Variants in RGS22 observed in about 807,000 individuals in gnomAD.
RGS22 encodes the protein regulator of G protein signaling 22, also known as regulator of G-protein signaling 22.
In RGS22, 148 loss-of-function variants were observed where a neutral mutation model predicts 172.9. That is an observed-to-expected ratio of 0.86 (90% CI 0.75 to 0.98). RGS22 has a LOEUF of 0.98. Ranked by LOEUF, RGS22 falls within the 50% of genes least tolerant of loss-of-function variation. The probability of loss-of-function intolerance (pLI) is 0.00; values close to 1 mark genes in which losing one functional copy is unlikely to be tolerated. For missense variants in RGS22, 1,347 were observed against 1,440.8 expected (o/e 0.93, Z 1.05); for synonymous variants, 458 against 480.2 (o/e 0.95, Z 0.60).
intron 10 of RGS22, among the ~76,000 whole-genome samples, chr8:100,048,728 G>A (rs1227889466): frequency 6.6e-6 from 1 of 151,992 alleles, no homozygotes; most frequent in Non-Finnish European, 1.5e-5. Context: ...CTCTATAAAT[G>A]AGAGTTACCA....
At chr8:100,099,921 C>T (rs1270715003) in intron 2 of RGS22, among the ~76,000 whole-genome samples, 1 of 152,088 alleles carries the variant, frequency 6.6e-6, no homozygotes, top group African/African-American at 2.4e-5. Flanking sequence ...GTGTGTCAGC[C>T]CCAGTAGGCT....
At chr8:99,973,759 C>T (rs1376404222) in intron 23 of RGS22, among the ~76,000 whole-genome samples, 3 of 151,310 alleles carry the variant, frequency 2.0e-5, no homozygotes, top group Non-Finnish European at 4.4e-5. Flanking sequence ...ATCCCAGCTA[C>T]TTGGGAGGCT....
At chr8:99,969,080 G>A (rs1460217683) in intron 23 of RGS22, among the ~76,000 whole-genome samples, 1 of 152,136 alleles carries the variant, frequency 6.6e-6, no homozygotes, top group Non-Finnish European at 1.5e-5. Flanking sequence ...AAGAGTTGGG[G>A]CCAATATTCA....
intron 4 of RGS22, among the ~76,000 whole-genome samples, chr8:100,078,819 G>A (rs1346573599): frequency 6.6e-6 from 1 of 152,030 alleles, no homozygotes; most frequent in Admixed American, 6.6e-5. Context: ...TAGAGATAGT[G>A]TTTCGCCATG....
At chr8:100,078,604 C>T (rs1001673167) in intron 4 of RGS22, among the ~76,000 whole-genome samples, 8 of 151,520 alleles carry the variant, frequency 5.3e-5, no homozygotes, top group African/African-American at 1.9e-4. Flanking sequence ...CTTTGATCTC[C>T]ACTATTGTTT....
chr8:100,066,127 A>G (rs1810515892), intron 7 of RGS22, 40 bp downstream of exon 7: 2 of 1,587,952 alleles, frequency 1.3e-6, no homozygotes, highest in African/African-American at 1.4e-5. Context: ...CAAAAACTTA[A>G]AGAGAAGTTC....
At chr8:100,051,555 T>TTATATATATTTATATATGTTTATACA (rs1821345642) in intron 10 of RGS22, among the ~76,000 whole-genome samples, 1 of 44,712 alleles carries the variant, frequency 2.2e-5, no homozygotes, top group African/African-American at 1.1e-4. Context: ...ATACATGTAT[T>TTATATATATTTATATATGTTTATACA]TATATAAATA....
At chr8:100,096,922 C>T (rs561665540) in intron 2 of RGS22, among the ~76,000 whole-genome samples, 5 of 152,062 alleles carry the variant, frequency 3.3e-5, no homozygotes, top group South Asian at 4.2e-4. Flanking sequence ...TGATACATGC[C>T]ATAAGGGAAT....
chr8:100,003,925 C>A lies in RGS22; in HGVS notation c.2627+1G>T. ...GAGAAATATATGGTTATGTCCCTCACCTTGAAGAATGAGTCTCAAGAAACT... is the reference window on the plus strand; with the variant it reads ...GAGAAATATATGGTTATGTCCCTCAACTTGAAGAATGAGTCTCAAGAAACT... On this transcript the variant is annotated splice_donor_variant, in intron 17 of 27. Transcript: ENST00000360863. LOFTEE classifies it high-confidence loss of function. The A allele has an allele frequency of 6.2e-7, 1 of 1,601,592 alleles. No homozygotes were observed. Among genetic ancestry groups the A allele is most frequent in the South Asian group, 1.1e-5 (1 of 88,938 alleles).
Position 100,008,404 on chromosome 8 carries a change from C to A in RGS22, c.2332G>T (p.Val778Leu), listed in dbSNP as rs772525434. The A allele has an allele frequency of 6.2e-7, 1 of 1,610,492 alleles. No homozygotes were observed. The highest frequency in any genetic ancestry group is 8.5e-7 in the Non-Finnish European group (1 of 1,179,322). ...LLLLEPWTKM[V>L]KSDQIAYKKV... The stretch of plus-strand genomic sequence containing the variant: ...TTATAAGCAATTTGGTCCGATTTTA[C>A]CATCTTTGTCCATGGCTCAAGAAGG... The change falls in exon 15 of 28, where the codon GTA becomes TTA. Residue 778 changes from valine (V) to leucine (L), a missense_variant. Physicochemically the swap from Val to Leu is conservative, Grantham distance 32. Coordinates refer to ENST00000360863, the MANE Select transcript of RGS22 (RefSeq NM_015668.5).
intron 20 of RGS22, among the ~76,000 whole-genome samples, chr8:99,991,280 G>A (rs1563583759): frequency 6.6e-6 from 1 of 152,212 alleles, no homozygotes; most frequent in Non-Finnish European, 1.5e-5. Flanking sequence ...CAAGCTGACA[G>A]AAGTAGGCTT....
At chr8:100,023,400 T>G (rs1017090749) in intron 14 of RGS22, among the ~76,000 whole-genome samples, 1 of 152,170 alleles carries the variant, frequency 6.6e-6, no homozygotes, top group Admixed American at 6.5e-5. Flanking sequence ...AAACAATGTC[T>G]CTTCATGAGT....
chr8:99,963,984 T>G (rs893848721), intron 24 of RGS22, among the ~76,000 whole-genome samples: 1 of 152,190 alleles, frequency 6.6e-6, no homozygotes, highest in Admixed American at 6.5e-5. Context: ...ATATCTTTGG[T>G]TTCTAAAAGT....
intron 14 of RGS22, among the ~76,000 whole-genome samples, chr8:100,017,861 G>C (rs931433971): frequency 6.6e-6 from 1 of 152,118 alleles, no homozygotes; most frequent in African/African-American, 2.4e-5. Flanking sequence ...TAGCCACAGA[G>C]TAAATAACAA....
In RGS22 at chr8:100,039,027, C is replaced by T; in HGVS notation, c.2070G>A (p.Trp690Ter). 3 of 1,587,774 alleles carry T rather than the reference C, an allele frequency of 1.9e-6. No individual in the cohort carries two copies. The highest frequency in any genetic ancestry group is 1.7e-6 in the Non-Finnish European group (2 of 1,160,832). ...KFCEHSGNKL[W>*]KNSVYFWFDL... is the part of the protein sequence containing the mutation. ...CAAACCAAAAGTACACACTGTTCTT[C>T]CACAACTACAGATGGAAAAAGTACA... Residue 690 changes from tryptophan (W) to a stop codon, truncating the protein, a stop_gained, in exon 14 of 28, where the codon TGG (tryptophan) becomes TGA (stop). Coordinates refer to ENST00000360863, the MANE Select transcript of RGS22 (RefSeq NM_015668.5). LOFTEE classifies it high-confidence loss of function.
intron 14 of RGS22, among the ~76,000 whole-genome samples, chr8:100,018,718 T>C (rs1225791942): frequency 1.3e-5 from 2 of 152,206 alleles, no homozygotes; most frequent in Non-Finnish European, 2.9e-5. Flanking sequence ...CATTTCCCAT[T>C]GCAATTTATA....
chr8:99,990,435 C>T (rs866174774), intron 20 of RGS22, among the ~76,000 whole-genome samples: 13 of 152,234 alleles, frequency 8.5e-5, no homozygotes, highest in Middle Eastern at 3.4e-3. Context: ...AAGCCATCTC[C>T]AAGCCTAAAT....
intron 3 of RGS22, among the ~76,000 whole-genome samples, chr8:100,083,722 GA>G (rs1271312350): frequency 6.6e-6 from 1 of 151,414 alleles, no homozygotes; most frequent in African/African-American, 2.4e-5. Context: ...AAGCCTAAAT[GA>G]ACTCTTCATG....
intron 23 of RGS22, among the ~76,000 whole-genome samples, chr8:99,975,621 T>G (rs1049317427): frequency 6.6e-6 from 1 of 151,692 alleles, no homozygotes; most frequent in Non-Finnish European, 1.5e-5. Context: ...AAAAAAGAAA[T>G]TTGGGTCACT....
Sources: allele counts gnomAD v4.1 joint callset (sites outside exome capture counted in the v4.1 genomes callset), GRCh38; gene constraint gnomAD v4.1.1; transcripts MANE v1.5; gene names NCBI Gene and HGNC (gene_info 2026-07-23, HGNC 2026-07-21).